The following ERO1A variants were observed in gnomAD, a reference collection of about 807,000 sequenced individuals.
ERO1A encodes ERO1-like protein alpha.
ERO1A carries 49 observed loss-of-function variants against 76.9 expected under a neutral mutation model. That is an observed-to-expected ratio of 0.64 (90% CI 0.51 to 0.81). The LOEUF is 0.81. Among genes scored for constraint, ERO1A ranks in the 30% least tolerant of loss-of-function variants. The pLI is 0.00. For synonymous variants in ERO1A, 174 were observed against 181.2 expected, an observed-to-expected ratio of 0.96 and a Z score of 0.32; for missense variants, 448 against 542.1, an observed-to-expected ratio of 0.83 and a Z score of 1.72.
chr14:52,687,384 T>G (rs2041212111), intron 1 of ERO1A, among the ~76,000 whole-genome samples: 1 of 151,656 alleles, frequency 6.6e-6, no homozygotes. Context: ...GAGCTGAGAT[T>G]GCACCACTGC....
intron 13 of ERO1A, among the ~76,000 whole-genome samples, chr14:52,648,453 A>C (rs11621600): frequency 0.11 from 16,990 of 152,200 alleles, 1,060 homozygotes; most frequent in East Asian, 0.21. Flanking sequence ...GATCCACAGA[A>C]TCCACATAGA....
intron 1 of ERO1A, among the ~76,000 whole-genome samples, chr14:52,685,895 T>G (rs2041161561): frequency 6.6e-6 from 1 of 152,098 alleles, no homozygotes; most frequent in African/African-American, 2.4e-5. Flanking sequence ...AATCCTTGAG[T>G]GAAAAATCAT....
At chr14:52,676,862 C>T (rs2040801890) in intron 4 of ERO1A, among the ~76,000 whole-genome samples, 1 of 137,698 alleles carries the variant, frequency 7.3e-6, no homozygotes, top group Non-Finnish European at 1.6e-5. Context: ...TGGTAGAACC[C>T]CCCTATCTAC....
Position 52,640,115 on chromosome 14 carries a change from T to G in ERO1A, c.*3455A>C, listed in dbSNP as rs138252936. 1 of 152,198 alleles carries G rather than the reference T, an allele frequency of 6.6e-6. No homozygotes were observed. Among genetic ancestry groups the G allele is most frequent in the Non-Finnish European group, 1.5e-5 (1 of 68,034 alleles). 9.4% of individuals were successfully genotyped at this position (152,198 alleles called of 1,614,324 possible). A position where few individuals can be genotyped will look rare whatever the true frequency, so the allele number is the denominator to read the frequency against. On this transcript the variant is annotated 3_prime_UTR_variant, in exon 16 of 16. Coordinates refer to ENST00000395686, the MANE Select transcript of ERO1A (RefSeq NM_014584.3). The stretch of plus-strand genomic sequence containing the variant: ...TATGCCAAAAACTATGCTATGGAGA[T>G]GCAAAAAATAAAAAGGTTCCTTTTC...
intron 3 of ERO1A, among the ~76,000 whole-genome samples, chr14:52,681,872 T>C (rs2041007896): frequency 6.6e-6 from 1 of 152,084 alleles, no homozygotes; most frequent in African/African-American, 2.4e-5. Flanking sequence ...TATAACTTGG[T>C]TCAGAAAAGA....
At position 52,642,647 on chromosome 14, in the gene ERO1A, T is replaced by C. The variant is rs1331974151; in HGVS notation, c.*923A>G. ...TTGAGGAAAAATTTGTGTGTGTGTG[T>C]GTGTGTACAGAGAAAGCATGAAAGA... On this transcript the variant is annotated 3_prime_UTR_variant, in exon 16 of 16. Coordinates refer to ENST00000395686, the MANE Select transcript of ERO1A (RefSeq NM_014584.3). 1 of 152,524 alleles carries C rather than the reference T, an allele frequency of 6.6e-6. No individual in the cohort carries two copies. Among genetic ancestry groups the C allele is most frequent in the African/African-American group, 2.4e-5 (1 of 41,426 alleles). 9.4% of individuals were successfully genotyped at this position (152,524 alleles called of 1,614,324 possible).
chr14:52,665,883 T>C (rs953164639), intron 7 of ERO1A, among the ~76,000 whole-genome samples: 2 of 152,228 alleles, frequency 1.3e-5, no homozygotes, highest in South Asian at 2.1e-4. Flanking sequence ...AGAAAATGTA[T>C]ATAACATGCT....
intron 11 of ERO1A, 27 bp downstream of exon 11, chr14:52,657,890 G>C (rs949164510): frequency 4.7e-6 from 7 of 1,479,342 alleles, no homozygotes; most frequent in Non-Finnish European, 6.5e-6. Flanking sequence ...AAGAGTGGTA[G>C]ACTGAATAAA....
intron 13 of ERO1A, among the ~76,000 whole-genome samples, chr14:52,651,305 A>T (rs1428497750): frequency 1.3e-5 from 2 of 152,104 alleles, no homozygotes; most frequent in African/African-American, 4.8e-5. Flanking sequence ...ATAAAAAAAG[A>T]TGAATGACAA....
intron 1 of ERO1A, among the ~76,000 whole-genome samples, chr14:52,685,742 T>G (rs1482919733): frequency 6.6e-6 from 1 of 152,192 alleles, no homozygotes; most frequent in Non-Finnish European, 1.5e-5. Context: ...TTCAGGAAGC[T>G]GTCCTTCCAG....
chr14:52,666,515 A>C lies in ERO1A; in HGVS notation c.509-20T>G. ...GAATGTCTGTAAAATAAAATGTCTT[A>C]TTAAACCTTTCTTATCCTCAGTTAC... On this transcript the variant is annotated intron_variant, in intron 6 of 15. Coordinates refer to ENST00000395686, the MANE Select transcript of ERO1A (RefSeq NM_014584.3). 6.3e-7 allele frequency: 1 copy of C among 1,593,916 alleles called. No individual in the cohort carries two copies. The highest frequency in any genetic ancestry group is 8.5e-7 in the Non-Finnish European group (1 of 1,171,380).
chr14:52,692,425 T>G (rs1452318169), intron 1 of ERO1A, among the ~76,000 whole-genome samples: 1 of 152,102 alleles, frequency 6.6e-6, no homozygotes, highest in Non-Finnish European at 1.5e-5. Flanking sequence ...GATGGGGATG[T>G]GGTAACCCAA....
intron 6 of ERO1A, among the ~76,000 whole-genome samples, chr14:52,670,325 A>C (rs1242193963): frequency 6.6e-6 from 1 of 152,248 alleles, no homozygotes; most frequent in African/African-American, 2.4e-5. Context: ...AGAAAAAGGA[A>C]ATACTAGAAA....
chr14:52,651,203 G>A (rs1163222435), intron 13 of ERO1A, among the ~76,000 whole-genome samples: 9 of 151,802 alleles, frequency 5.9e-5, no homozygotes, highest in East Asian at 1.9e-4. Context: ...TGGGAGGATC[G>A]CTTGAGCACA....
chr14:52,695,254 C>G (rs2041512153), intron 1 of ERO1A, 114 bp downstream of exon 1: 1 of 669,616 alleles, frequency 1.5e-6, no homozygotes, highest in Non-Finnish European at 2.2e-6. Flanking sequence ...GTCTCATTCC[C>G]GGTGGGAAGA....
intron 3 of ERO1A, among the ~76,000 whole-genome samples, chr14:52,681,701 A>T (rs1277997157): frequency 2.0e-5 from 3 of 152,198 alleles, no homozygotes; most frequent in South Asian, 4.1e-4. Flanking sequence ...CTCTATTTTC[A>T]CAGTAGGATA....
chr14:52,676,387 C>T (rs537734054), intron 4 of ERO1A, among the ~76,000 whole-genome samples: 112 of 152,258 alleles, frequency 7.4e-4, no homozygotes, highest in African/African-American at 2.6e-3. Context: ...TCACAGGTTT[C>T]CCATTAACTA....
chr14:52,683,954 A>C, intron 1 of ERO1A, 47 bp from the exon 2 acceptor site: 1 of 1,479,692 alleles, frequency 6.8e-7, no homozygotes, highest in Non-Finnish European at 9.1e-7. Flanking sequence ...CCTAAATGCA[A>C]CAGGGTTCTT....
At chr14:52,677,504 T>C (rs1185632353) in intron 4 of ERO1A, among the ~76,000 whole-genome samples, 2 of 152,030 alleles carry the variant, frequency 1.3e-5, no homozygotes, top group East Asian at 1.9e-4. Flanking sequence ...TAAGAACACA[T>C]GACTACTAAA....
Sources: allele counts gnomAD v4.1 joint callset (sites outside exome capture counted in the v4.1 genomes callset), GRCh38; gene constraint gnomAD v4.1.1; transcripts MANE v1.5; gene names NCBI Gene and HGNC (gene_info 2026-07-23, HGNC 2026-07-21).